Variants in CDYL observed in about 807,000 individuals in gnomAD.
CDYL encodes chromodomain Y like, also known as chromodomain Y-like protein.
A neutral mutation model predicts 47.3 loss-of-function variants in CDYL; 8 were observed. That is an observed-to-expected ratio of 0.17 (90% CI 0.10 to 0.31). The LOEUF (loss-of-function observed/expected upper bound fraction) is 0.31, where lower values mean the gene tolerates loss of function less well. CDYL is among the 10% of genes least tolerant of loss of function. CDYL has a pLI of 1.00. For synonymous variants in CDYL, 266 were observed against 265.0 expected (o/e 1.00, Z -0.04); for missense variants, 471 against 701.4 (o/e 0.67, Z 3.71).
intron 4 of CDYL, among the ~76,000 whole-genome samples, chr6:4,940,996 G>A (rs1299897378): frequency 6.6e-6 from 1 of 152,340 alleles, no homozygotes; most frequent in South Asian, 2.1e-4. Flanking sequence ...TACATCTTAT[G>A]TGATTTTCCA....
At chr6:4,763,670 C>T (rs754804389) in intron 3 of CDYL, among the ~76,000 whole-genome samples, 6 of 152,242 alleles carry the variant, frequency 3.9e-5, no homozygotes, top group Admixed American at 6.5e-5. Flanking sequence ...GGGCCAGGCG[C>T]GGTGGCTTAC....
chr6:4,940,790 C>T (rs1468219945), intron 4 of CDYL, among the ~76,000 whole-genome samples: 2 of 152,234 alleles, frequency 1.3e-5, no homozygotes, highest in African/African-American at 2.4e-5. Context: ...AGCAGTGCCC[C>T]AGGGGCAAGA....
intron 5 of CDYL, among the ~76,000 whole-genome samples, chr6:4,945,545 T>G (rs796933037): frequency 9.2e-5 from 14 of 152,356 alleles, no homozygotes; most frequent in African/African-American, 3.1e-4. Context: ...CTGCTCACTG[T>G]GCCCAGCTCA....
intron 1 of CDYL, among the ~76,000 whole-genome samples, chr6:4,842,793 A>G (rs1760539731): frequency 6.6e-6 from 1 of 152,166 alleles, no homozygotes; most frequent in Non-Finnish European, 1.5e-5. Context: ...TTGTGCTATG[A>G]ATACACAACA....
chr6:4,850,204 C>T (rs539431683), intron 1 of CDYL, among the ~76,000 whole-genome samples: 1 of 152,312 alleles, frequency 6.6e-6, no homozygotes, highest in East Asian at 1.9e-4. Context: ...AATTCATTCT[C>T]TGATTAATTC....
At chr6:4,781,101 T>G (rs1758606777) in intron 1 of CDYL, among the ~76,000 whole-genome samples, 1 of 152,236 alleles carries the variant, frequency 6.6e-6, no homozygotes, top group Non-Finnish European at 1.5e-5. Flanking sequence ...GTTTTCATTT[T>G]CAAAAATGGA....
At chr6:4,727,452 G>C (rs150487611) in intron 2 of CDYL, among the ~76,000 whole-genome samples, 1 of 152,088 alleles carries the variant, frequency 6.6e-6, no homozygotes. Context: ...GTTGTAAGGA[G>C]CATGAGTTAG....
chr6:4,845,281 A>G (rs989965966), intron 1 of CDYL, among the ~76,000 whole-genome samples: 1 of 152,196 alleles, frequency 6.6e-6, no homozygotes, highest in Non-Finnish European at 1.5e-5. Flanking sequence ...ACCCAATCTT[A>G]GAGGTCTCAC....
intron 1 of CDYL, among the ~76,000 whole-genome samples, chr6:4,861,025 G>A (rs1003111133): frequency 1.3e-5 from 2 of 152,014 alleles, no homozygotes; most frequent in Admixed American, 6.6e-5. Context: ...GTTGACATTC[G>A]GGATTAACCA....
At position 4,937,809 on chromosome 6, in the gene CDYL, G is replaced by A; in HGVS notation, c.1121+72G>A. ...TTGGTAAACCAATCCTGATAGAATGGGCCTGACCAAGCCTTGAGAATAAGA... is the reference window on the plus strand; with the variant it reads ...TTGGTAAACCAATCCTGATAGAATGAGCCTGACCAAGCCTTGAGAATAAGA... On this transcript the variant is annotated intron_variant, in intron 4 of 6. Transcript: ENST00000397588. The A allele has an allele frequency of 9.9e-6, 12 of 1,211,308 alleles. No homozygotes were observed. In the South Asian group the frequency reaches 1.7e-4, roughly 18 times the overall value. The allele number at this position is 1,211,308 out of a possible 1,614,324, so 75.0% of individuals were successfully genotyped here.
At chr6:4,765,646 C>T (rs1241523137) in intron 3 of CDYL, among the ~76,000 whole-genome samples, 1 of 151,942 alleles carries the variant, frequency 6.6e-6, no homozygotes, top group Non-Finnish European at 1.5e-5. Flanking sequence ...TCTCTGCAAC[C>T]TCTGCCTTCC....
At chr6:4,707,413 G>A (rs184951959) in intron 1 of CDYL, among the ~76,000 whole-genome samples, 378 of 152,248 alleles carry the variant, frequency 2.5e-3, no homozygotes, top group African/African-American at 8.7e-3. Flanking sequence ...GAGTAGCTGG[G>A]ACTACAGGCA....
intron 1 of CDYL, among the ~76,000 whole-genome samples, chr6:4,821,735 C>CAG (rs60567289): frequency 1.9e-4 from 28 of 148,406 alleles, no homozygotes; most frequent in African/African-American, 6.5e-4. Flanking sequence ...GACTGTATCT[C>CAG]GGGGGAAAAA....
At chr6:4,876,976 C>A (rs1238689578) in intron 1 of CDYL, among the ~76,000 whole-genome samples, 1 of 152,198 alleles carries the variant, frequency 6.6e-6, no homozygotes, top group Non-Finnish European at 1.5e-5. Context: ...AATAAAGAGG[C>A]CCAAGAGAGC....
Position 4,937,562 on chromosome 6 carries a change from C to G in CDYL, c.949-3C>G. 6.6e-7 allele frequency: 1 copy of G among 1,525,830 alleles called. No individual in the cohort carries two copies. The highest frequency in any genetic ancestry group is 8.8e-7 in the Non-Finnish European group (1 of 1,137,838). The allele number at this position is 1,525,830 out of a possible 1,614,324, so 94.5% of individuals were successfully genotyped here. On this transcript the variant is annotated splice_polypyrimidine_tract_variant and splice_region_variant and intron_variant, in intron 3 of 6. Transcript: ENST00000397588. ...TGCCACTTTAACTTCTGGTGACTTT[C>G]AGGTAATGAGAGAAGTCCAGAGTGC...
chr6:4,802,345 C>G lies in CDYL; in HGVS notation c.24+25538C>G, dbSNP rs372733110. ...CTGAGGCCAGGAGTTTGAGACAAGC[C>G]TGGGCAACATAGTGAGACCCCGTCT... On this transcript the variant is annotated intron_variant, in intron 1 of 6. Coordinates refer to ENST00000397588, the MANE Select transcript of CDYL (RefSeq NM_004824.4). 9.2e-5 allele frequency among the ~76,000 whole-genome samples: 14 copies of G among 152,152 alleles called. No individual in the cohort carries two copies. The East Asian group carries it at 2.1e-3, about 23-fold the overall frequency.
chr6:4,767,142 C>A (rs1275912672), intron 3 of CDYL, among the ~76,000 whole-genome samples: 4 of 151,714 alleles, frequency 2.6e-5, no homozygotes, highest in Non-Finnish European at 5.9e-5. Flanking sequence ...TTGGTTTATT[C>A]CAGAAAAAGA....
chr6:4,854,902 C>A (rs1760960896), intron 1 of CDYL, among the ~76,000 whole-genome samples: 1 of 152,108 alleles, frequency 6.6e-6, no homozygotes. Flanking sequence ...CTACAGAGGC[C>A]CCTGATAATT....
intron 2 of CDYL, among the ~76,000 whole-genome samples, chr6:4,908,981 A>C (rs940672458): frequency 2.0e-5 from 3 of 152,212 alleles, no homozygotes; most frequent in Non-Finnish European, 2.9e-5. Flanking sequence ...GTGGGATTTA[A>C]AAGTTTCCAT....
Sources: gnomAD v4.1 joint callset for allele counts (sites outside exome capture counted in the v4.1 genomes callset) on GRCh38, gnomAD v4.1.1 for gene constraint, MANE v1.5 for transcripts, NCBI Gene and HGNC (gene_info 2026-07-23, HGNC 2026-07-21) for gene names.